Variants in LAMP3 observed in about 807,000 individuals in gnomAD.
LAMP3 encodes lysosome associated membrane protein 3, also known as lysosome-associated membrane glycoprotein 3.
Under a neutral mutation model 34.8 loss-of-function variants are expected in LAMP3, and 26 were observed. That is an observed-to-expected ratio of 0.75 (90% CI 0.55 to 1.04). The LOEUF (loss-of-function observed/expected upper bound fraction) is 1.04, where lower values mean the gene tolerates loss of function less well. LAMP3 is among the 50% of genes least tolerant of loss of function. The pLI is 0.00. For missense variants in LAMP3, 495 were observed against 524.0 expected (o/e 0.94, Z 0.54); for synonymous variants, 180 against 201.9 (o/e 0.89, Z 0.92).
intron 4 of LAMP3, among the ~76,000 whole-genome samples, chr3:183,139,129 C>T (rs975998476): frequency 1.3e-5 from 2 of 152,166 alleles, no homozygotes; most frequent in Non-Finnish European, 2.9e-5. Context: ...GTGGTTCACA[C>T]CTATAATCCC....
chr3:183,125,190 G>A (rs965987258), intron 5 of LAMP3, among the ~76,000 whole-genome samples: 5 of 152,170 alleles, frequency 3.3e-5, no homozygotes, highest in African/African-American at 1.2e-4. Flanking sequence ...GAGACTGGGA[G>A]AAAAGAGCAA....
chr3:183,140,487 C>A, intron 4 of LAMP3, 51 bp downstream of exon 4: 1 of 1,035,158 alleles, frequency 9.7e-7, no homozygotes, highest in South Asian at 1.3e-5. Flanking sequence ...GTGAGCTAAC[C>A]AACAGAAACA....
intron 1 of LAMP3, among the ~76,000 whole-genome samples, chr3:183,156,323 T>G (rs1720821160): frequency 6.6e-6 from 1 of 151,952 alleles, no homozygotes; most frequent in East Asian, 1.9e-4. Flanking sequence ...ATCATGCCAT[T>G]GCACTCTAGC....
rs1199932956 is a variant in LAMP3 at position 183,122,495 on chromosome 3, A to G, written c.*1586T>C. ...CAGAATAAAGTGAACAATAGGAAATATGGATATGAAGTGCAGAAGCAGCAA... is the reference window on the plus strand; with the variant it reads ...CAGAATAAAGTGAACAATAGGAAATGTGGATATGAAGTGCAGAAGCAGCAA... On this transcript the variant is annotated 3_prime_UTR_variant, in exon 6 of 6. Transcript: ENST00000265598. The G allele has an allele frequency of 6.6e-6, 1 of 152,246 alleles. No individual in the cohort carries two copies. Among genetic ancestry groups the G allele is most frequent in the East Asian group, 1.9e-4 (1 of 5,206 alleles). 9.4% of individuals were successfully genotyped at this position (152,246 alleles called of 1,614,324 possible).
At chr3:183,139,531 T>C (rs1325364728) in intron 4 of LAMP3, among the ~76,000 whole-genome samples, 1 of 152,208 alleles carries the variant, frequency 6.6e-6, no homozygotes, top group Non-Finnish European at 1.5e-5. Flanking sequence ...TATACTGTTT[T>C]TTCCTGCATA....
In LAMP3 at chr3:183,154,208, G is replaced by A. The variant is rs114675283; in HGVS notation, c.233C>T (p.Ala78Val). ...FMDGHITFQT[A>V]ATVKIPTTTP... ...AGTTGTTGGAATTTTTACTGTGGCC[G>A]CTGTTTGAAAGGTGATATGACCATC... is the stretch of plus-strand genomic sequence containing the variant. The change falls in exon 2 of 6, where the codon GCG becomes GTG. Residue 78 changes from alanine to valine, a missense_variant. Physicochemically the swap from Ala to Val is moderately conservative, Grantham distance 64. Coordinates refer to ENST00000265598, the MANE Select transcript of LAMP3 (RefSeq NM_014398.4). The A allele has an allele frequency of 5.2e-5, 84 of 1,614,082 alleles. No individual in the cohort carries two copies. The highest frequency in any genetic ancestry group is 1.8e-4 in the East Asian group (8 of 44,874).
chr3:183,126,501 A>T (rs1719782366), intron 5 of LAMP3, among the ~76,000 whole-genome samples: 1 of 152,112 alleles, frequency 6.6e-6, no homozygotes. Context: ...ATCAATCACT[A>T]TAAACCTTTT....
At chr3:183,140,366 G>A (rs971820705) in intron 4 of LAMP3, among the ~76,000 whole-genome samples, 172 bp downstream of exon 4, 13 of 129,084 alleles carry the variant, frequency 1.0e-4, no homozygotes, top group African/African-American at 2.0e-4. Context: ...GAGCGAGATC[G>A]TGCCACTACA....
intron 4 of LAMP3, among the ~76,000 whole-genome samples, chr3:183,137,047 G>A (rs948461007): frequency 1.3e-5 from 2 of 151,884 alleles, no homozygotes; most frequent in African/African-American, 4.8e-5. Context: ...ATGGTGGTTG[G>A]TGGTTCATGC....
chr3:183,153,796 G>C lies in LAMP3; in HGVS notation c.645C>G (p.Thr215=). ...AAPASTVPGP[T]LAPQPSSVKT... Reference sequence around the variant, plus strand: ...TGACTGACGATGGCTGAGGTGCAAGGGTGGGCCCAGGAACCGTGGAGGCAG... The same window carrying C: ...TGACTGACGATGGCTGAGGTGCAAGCGTGGGCCCAGGAACCGTGGAGGCAG... The change falls in exon 2 of 6, where the codon ACC becomes ACG. Residue 215 remains threonine (T), a synonymous_variant. Coordinates refer to ENST00000265598, the MANE Select transcript of LAMP3 (RefSeq NM_014398.4). 5.0e-6 allele frequency: 8 copies of C among 1,589,906 alleles called. No homozygotes were observed. In the East Asian group the frequency reaches 6.7e-5, roughly 13 times the overall value.
At position 183,124,065 on chromosome 3, in the gene LAMP3, TC is replaced by T. The variant is rs771993605; in HGVS notation, c.*15del. The stretch of plus-strand genomic sequence containing the variant: ...GTTCTCTAAATTCCATTATTTTCAT[TC>T]CCCCCGGGCAACAATTAGATTCTCT... On this transcript the variant is annotated 3_prime_UTR_variant, in exon 6 of 6. Transcript: ENST00000265598. 6.8e-6 allele frequency: 11 copies of T among 1,613,664 alleles called. No homozygotes were observed. The highest frequency in any genetic ancestry group is 6.7e-5 in the East Asian group (3 of 44,872).
intron 1 of LAMP3, among the ~76,000 whole-genome samples, chr3:183,156,364 A>AAACAACAACAAC (rs10663850): frequency 0.053 from 7,942 of 151,096 alleles, 379 homozygotes; most frequent in African/African-American, 0.13. Flanking sequence ...GCTGTCTCAA[A>AAACAACAACAAC]AACAACAACA....
intron 3 of LAMP3, among the ~76,000 whole-genome samples, chr3:183,144,951 T>A (rs1167184736): frequency 6.6e-6 from 1 of 152,100 alleles, no homozygotes; most frequent in African/African-American, 2.4e-5. Flanking sequence ...GTCTGCAGCA[T>A]TGATTCCAGG....
chr3:183,131,351 G>T lies in LAMP3; in HGVS notation c.1117+4366C>A, dbSNP rs575477457. ...CTGGTGAATAAACACCTTGTCCTCT[G>T]CCCTACAGAACTTTCGAGTGCCCTT... is the stretch of plus-strand genomic sequence containing the variant. On this transcript the variant is annotated intron_variant, in intron 5 of 5. Transcript: ENST00000265598. Among the ~76,000 whole-genome samples the T allele has an allele frequency of 3.3e-5, 5 of 152,288 alleles. No individual in the cohort carries two copies. In the East Asian group the frequency reaches 7.7e-4, roughly 23 times the overall value.
intron 3 of LAMP3, among the ~76,000 whole-genome samples, chr3:183,150,531 T>G (rs966294079): frequency 4.0e-5 from 6 of 151,810 alleles, no homozygotes; most frequent in African/African-American, 7.3e-5. Flanking sequence ...CATAAATGTT[T>G]ATGTCTGTAT....
At chr3:183,138,754 A>G (rs1720177932) in intron 4 of LAMP3, among the ~76,000 whole-genome samples, 1 of 152,160 alleles carries the variant, frequency 6.6e-6, no homozygotes, top group Non-Finnish European at 1.5e-5. Flanking sequence ...TTTAGAATAA[A>G]GTCCAAAGTC....
In LAMP3 at chr3:183,154,109, G is replaced by A. The variant is rs772067516; in HGVS notation, c.332C>T (p.Pro111Leu). Reference protein sequence around the residue: ...TYTLVTTQATPNNSHTAPPVT... With the variant: ...TYTLVTTQATLNNSHTAPPVT... Reference sequence around the variant, plus strand: ...TGGAGGAGCTGTGTGTGAGTTGTTGGGTGTGGCCTGGGTTGTGACCAGGGT... The same window carrying A: ...TGGAGGAGCTGTGTGTGAGTTGTTGAGTGTGGCCTGGGTTGTGACCAGGGT... The change falls in exon 2 of 6, where the codon CCC becomes CTC. Residue 111 changes from proline to leucine, a missense_variant. Transcript: ENST00000265598. 2 of 1,614,142 alleles carry A rather than the reference G, an allele frequency of 1.2e-6. No homozygotes were observed. Among genetic ancestry groups the A allele is most frequent in the East Asian group, 4.5e-5 (2 of 44,874 alleles).
chr3:183,156,716 T>G lies in LAMP3; in HGVS notation c.50-2325A>C, dbSNP rs140331733. ...GAAGGCCTTAGGTCAAGGGTCATCT[T>G]TTACCAACTTCTCTCAAAAACACTT... On this transcript the variant is annotated intron_variant, in intron 1 of 5. Coordinates refer to ENST00000265598, the MANE Select transcript of LAMP3 (RefSeq NM_014398.4). Among the ~76,000 whole-genome samples the G allele has an allele frequency of 2.0e-5, 3 of 152,336 alleles. No homozygotes were observed. In the East Asian group the frequency reaches 5.8e-4, roughly 29 times the overall value.
intron 4 of LAMP3, among the ~76,000 whole-genome samples, chr3:183,137,658 G>A (rs1027863753): frequency 2.6e-5 from 4 of 152,208 alleles, no homozygotes; most frequent in African/African-American, 4.8e-5. Context: ...TGTCACTACC[G>A]TAATTACAAC....
Sources: gnomAD v4.1 joint callset for allele counts (sites outside exome capture counted in the v4.1 genomes callset) on GRCh38, gnomAD v4.1.1 for gene constraint, MANE v1.5 for transcripts, NCBI Gene and HGNC (gene_info 2026-07-23, HGNC 2026-07-21) for gene names.